The following PITPNM1 variants were observed in gnomAD, a reference collection of about 807,000 sequenced individuals.
PITPNM1 encodes membrane-associated phosphatidylinositol transfer protein 1.
Under a neutral mutation model 133.3 loss-of-function variants are expected in PITPNM1, and 74 were observed. The ratio of observed to expected loss-of-function variants is 0.56; its 90% CI spans 0.46 to 0.67. The LOEUF (loss-of-function observed/expected upper bound fraction) is 0.67. Ranked by LOEUF, PITPNM1 falls within the 30% of genes least tolerant of loss-of-function variation. PITPNM1 has a pLI of 0.00. For missense variants in PITPNM1, 1,398 were observed against 1,739.5 expected (o/e 0.80, Z 3.49); for synonymous variants, 738 against 741.4 (o/e 1.00, Z 0.08).
In PITPNM1 at chr11:67,495,522, C is replaced by T. The variant is rs542813769; in HGVS notation, c.2398G>A (p.Gly800Ser). ...AACTCACTGCCCTTCCAGAAGGCAC[C>T]GCTAGTAGAGGTGGGTGTTGAGGGC... is the stretch of plus-strand genomic sequence containing the variant. Reference protein sequence around the residue: ...LVPSTPTSTSGAFWKGSELAT... With the variant: ...LVPSTPTSTSSAFWKGSELAT... Residue 800 changes from glycine to serine, a missense_variant, in exon 16 of 24, where the codon GGT (glycine) becomes AGT (serine). Gly to Ser is a moderately conservative substitution (Grantham distance 56). Around this residue, in one of 5 missense-constraint regions of PITPNM1, gnomAD observed 574 missense variants for 698.7 expected, o/e 0.82. Transcript: ENST00000356404. 1.9e-5 allele frequency: 30 copies of T among 1,587,338 alleles called. No individual in the cohort carries two copies. Among genetic ancestry groups the T allele is most frequent in the Admixed American group, 9.4e-5 (5 of 53,468 alleles).
At chr11:67,495,319 C>T (rs1866083319) in intron 16 of PITPNM1, 94 bp from the exon 17 acceptor site, 4 of 1,475,264 alleles carry the variant, frequency 2.7e-6, no homozygotes, top group African/African-American at 2.8e-5. Flanking sequence ...TTTCACCCAG[C>T]CTGCTCTTTG....
Position 67,493,004 on chromosome 11 carries a change from G to A in PITPNM1, c.3401C>T (p.Ala1134Val), listed in dbSNP as rs1323889563. The change falls in exon 23 of 24, where the codon GCG becomes GTG. Residue 1134 changes from alanine to valine, a missense_variant. This residue lies in a region of PITPNM1 where 233 missense variants were observed against 378.0 expected (regional missense o/e 0.62). Coordinates refer to ENST00000356404, the MANE Select transcript of PITPNM1 (RefSeq NM_004910.3). ...GSPKDVAVYA[A>V]LGLSPSQTYI... ...GGTCTGGCTCGGGGACAGCCCCAGC[G>A]CCGCGTATACAGCCACATCTTTGGG... The A allele has an allele frequency of 1.9e-6, 3 of 1,612,872 alleles. No individual in the cohort carries two copies. Among genetic ancestry groups the A allele is most frequent in the Non-Finnish European group, 2.5e-6 (3 of 1,179,954 alleles).
intron 14 of PITPNM1, 60 bp from the exon 15 acceptor site, chr11:67,496,408 A>AGGTAGGGG: frequency 6.8e-7 from 1 of 1,479,182 alleles, no homozygotes; most frequent in Non-Finnish European, 9.0e-7. Context: ...GCACTCTGGG[A>AGGTAGGGG]GGTAGGGGGT....
Position 67,494,252 on chromosome 11 carries a change from C to CA in PITPNM1, c.2850dup (p.Gly951TrpfsTer27). ...GGCCTCTGGGTCCTGACCTTCTCTC[C>CA]AGTGAGCGTGACGACGTCCAGGGGC... is the stretch of plus-strand genomic sequence containing the variant. On this transcript the variant is annotated frameshift_variant, in exon 19 of 24. Transcript: ENST00000356404. LOFTEE classifies it high-confidence loss of function. The CA allele has an allele frequency of 1.2e-6, 2 of 1,612,486 alleles. No homozygotes were observed. Among genetic ancestry groups the CA allele is most frequent in the Non-Finnish European group, 1.7e-6 (2 of 1,179,656 alleles).
Position 67,494,830 on chromosome 11 carries a change from G to T in PITPNM1, c.2742+16C>A. The T allele has an allele frequency of 6.3e-7, 1 of 1,582,652 alleles. No individual in the cohort carries two copies. On this transcript the variant is annotated intron_variant, in intron 18 of 23. Transcript: ENST00000356404. ...AGTGGGCGAGTGGGCGAGGGGGCGA[G>T]GGGCAGGGCACCTACCCGGATCTTG...
Position 67,498,400 on chromosome 11 carries a change from C to A in PITPNM1, c.1485-78G>T. The A allele has an allele frequency of 7.0e-7, 1 of 1,421,814 alleles. No individual in the cohort carries two copies. The highest frequency in any genetic ancestry group is 9.3e-7 in the Non-Finnish European group (1 of 1,072,980). 88.1% of individuals were successfully genotyped at this position (1,421,814 alleles called of 1,614,324 possible). ...CATCCAAGTCCCCTGGGCCTGCTGG[C>A]AGGCCCTGGCTCTGTGGGTCCTCTG... On this transcript the variant is annotated intron_variant, in intron 10 of 23. Transcript: ENST00000356404. The surrounding 1 kb of genome is among the most constrained non-coding windows in gnomAD (Gnocchi z 5.7).
At position 67,495,397 on chromosome 11, in the gene PITPNM1, C is replaced by A. The variant is rs1311336732; in HGVS notation, c.2482+41G>T. On this transcript the variant is annotated intron_variant, in intron 16 of 23. Transcript: ENST00000356404. Reference sequence around the variant, plus strand: ...GGCTTCGGAGGTGGAATACGGGCCTCCCCCACCCCCAGGCTGGACTGCCTA... The same window carrying A: ...GGCTTCGGAGGTGGAATACGGGCCTACCCCACCCCCAGGCTGGACTGCCTA... 9.6e-6 allele frequency: 14 copies of A among 1,463,444 alleles called. No homozygotes were observed. The Admixed American group carries it at 2.9e-4, about 30-fold the overall frequency. 90.7% of individuals were successfully genotyped at this position (1,463,444 alleles called of 1,614,324 possible). A position where few individuals can be genotyped will look rare whatever the true frequency, so the allele number is the denominator to read the frequency against.
rs1265299576 is a variant in PITPNM1, at chr11:67,494,061, A to G, written c.2869T>C (p.Tyr957His). Reference protein sequence around the residue: ...VTLTGEKVDVYIMTQPLSGKW... With the variant: ...VTLTGEKVDVHIMTQPLSGKW... ...CCCGACAGCGGCTGCGTCATGATGTAGACATCCACCTGGAGGGGAGAAGGG... is the reference window on the plus strand; with the variant it reads ...CCCGACAGCGGCTGCGTCATGATGTGGACATCCACCTGGAGGGGAGAAGGG... The change falls in exon 20 of 24, where the codon TAC (tyrosine) becomes CAC (histidine). Residue 957 changes from tyrosine to histidine, a missense_variant. Transcript: ENST00000356404. The G allele has an allele frequency of 2.5e-6, 4 of 1,605,922 alleles. No individual in the cohort carries two copies. Among genetic ancestry groups the G allele is most frequent in the Non-Finnish European group, 3.4e-6 (4 of 1,175,872 alleles).
intron 14 of PITPNM1, chr11:67,496,689 C>A (rs1866131802): frequency 3.6e-6 from 1 of 276,608 alleles, no homozygotes; most frequent in African/African-American, 2.2e-5. Context: ...AATCCCAGCA[C>A]TGTGGGAGGC....
intron 8 of PITPNM1, among the ~76,000 whole-genome samples, chr11:67,499,285 C>A (rs1866236479): frequency 6.6e-6 from 1 of 152,044 alleles, no homozygotes; most frequent in Non-Finnish European, 1.5e-5. Context: ...TACAAGTGGC[C>A]ATTTAAATTT....
chr11:67,495,451 A>G lies in PITPNM1; in HGVS notation c.2469T>C (p.Ser823=), dbSNP rs764961038. 1 of 1,523,942 alleles carries G rather than the reference A, an allele frequency of 6.6e-7. No homozygotes were observed. The highest frequency in any genetic ancestry group is 1.2e-5 in the South Asian group (1 of 80,034). The allele number at this position is 1,523,942 out of a possible 1,614,324, so 94.4% of individuals were successfully genotyped here. ...PAQPAAPSTT[S]EVVKILERWW... is the part of the protein sequence containing the mutation. ...TGGCTGACTTACTCTTAACCACCTCACTGGTGGTGCTGGGGGCGGCTGGCT... is the reference window on the plus strand; with the variant it reads ...TGGCTGACTTACTCTTAACCACCTCGCTGGTGGTGCTGGGGGCGGCTGGCT... Residue 823 remains serine (S), a synonymous_variant, in exon 16 of 24, where the codon AGT becomes AGC. Coordinates refer to ENST00000356404, the MANE Select transcript of PITPNM1 (RefSeq NM_004910.3).
Position 67,502,163 on chromosome 11 carries a change from G to A in PITPNM1, c.416-77C>T. 6.5e-7 allele frequency: 1 copy of A among 1,549,698 alleles called. No individual in the cohort carries two copies. The highest frequency in any genetic ancestry group is 1.2e-5 in the South Asian group (1 of 85,558). ...TCCTGGCACCCTCTTGGGACTGGATGACAGTTCCCGTCCTTTTGCAGACAG... is the reference window on the plus strand; with the variant it reads ...TCCTGGCACCCTCTTGGGACTGGATAACAGTTCCCGTCCTTTTGCAGACAG... On this transcript the variant is annotated intron_variant, in intron 4 of 23. Transcript: ENST00000356404. This position sits in a 1 kb window ranked among gnomAD's most constrained non-coding sequence, Gnocchi z 5.9.
At chr11:67,501,365 T>A (rs994581777) in intron 5 of PITPNM1, among the ~76,000 whole-genome samples, 6 of 152,220 alleles carry the variant, frequency 3.9e-5, no homozygotes, top group African/African-American at 1.4e-4. Flanking sequence ...ACCTGGGCAC[T>A]GAGGCAGGGC....
At chr11:67,492,634 T>C (rs1189887621) in intron 23 of PITPNM1, among the ~76,000 whole-genome samples, 2 of 152,274 alleles carry the variant, frequency 1.3e-5, no homozygotes, top group East Asian at 1.9e-4. Flanking sequence ...GGCAGTGCCA[T>C]GATCATTTCC....
At chr11:67,492,880 T>G (rs1346406777) in intron 23 of PITPNM1, 54 bp downstream of exon 23, 1 of 1,583,790 alleles carries the variant, frequency 6.3e-7, no homozygotes, top group East Asian at 2.3e-5. Context: ...GGCCTGGGAC[T>G]GAGGGCCCTG....
intron 19 of PITPNM1, 52 bp downstream of exon 19, chr11:67,494,192 A>G: frequency 6.3e-7 from 1 of 1,585,968 alleles, no homozygotes; most frequent in South Asian, 1.1e-5. Flanking sequence ...AGCTGTTCCG[A>G]GGACAGGAGA....
intron 12 of PITPNM1, 99 bp downstream of exon 12, chr11:67,497,818 G>C (rs926498118): frequency 1.4e-6 from 2 of 1,454,146 alleles, no homozygotes; most frequent in African/African-American, 2.8e-5. Flanking sequence ...GCAGCAGGGG[G>C]CCTGCCTGCT....
chr11:67,502,680 G>A lies in PITPNM1; in HGVS notation c.117C>T (p.Gly39=), dbSNP rs1285544485. ...SREESSGEGS[G]VEILANRPYT... ...AGGGCCGGTTGGCCAGGATCTCCAC[G>A]CCGCTGCCCTCACCACTAGACTCCT... Residue 39 remains glycine (G), a synonymous_variant, in exon 3 of 24, where the codon GGC becomes GGT. Coordinates refer to ENST00000356404, the MANE Select transcript of PITPNM1 (RefSeq NM_004910.3). The surrounding 1 kb of genome is among the most constrained non-coding windows in gnomAD (Gnocchi z 5.9). 1.3e-5 allele frequency: 21 copies of A among 1,613,236 alleles called. No homozygotes were observed. The highest frequency in any genetic ancestry group is 2.7e-5 in the African/African-American group (2 of 74,896).
Position 67,493,970 on chromosome 11 carries a change from G to T in PITPNM1, c.2960C>A (p.Pro987Gln), listed in dbSNP as rs1311489948. The T allele has an allele frequency of 8.1e-6, 13 of 1,611,132 alleles. No homozygotes were observed. In the East Asian group the frequency reaches 2.7e-4, roughly 33 times the overall value. Residue 987 changes from proline (P) to glutamine (Q), a missense_variant, in exon 20 of 24, where the codon CCA becomes CAA. Physicochemically the swap from Pro to Gln is moderately conservative, Grantham distance 76. Transcript: ENST00000356404. The stretch of plus-strand genomic sequence containing the variant: ...GACACCAATGCCCAGCGCGCGTTCT[G>T]GGGGAACTGGGAAGGTGAGGCGGCC... The part of the protein sequence containing the change: ...SSGRLTFPVP[P>Q]ERALGIGVYP...
Sources: allele counts gnomAD v4.1 joint callset (sites outside exome capture counted in the v4.1 genomes callset), GRCh38; gene constraint gnomAD v4.1.1; regional missense constraint gnomAD v4.1.1; non-coding constraint Gnocchi (gnomAD v3.1); transcripts MANE v1.5; gene names NCBI Gene and HGNC (gene_info 2026-07-23, HGNC 2026-07-21).